TRPC5: variants seen among roughly 807,000 people sequenced by gnomAD.
TRPC5 encodes the protein transient receptor potential cation channel subfamily C member 5.
TRPC5 carries 9 observed loss-of-function variants against 56.5 expected under a neutral mutation model. The observed-to-expected ratio is 0.16, with a 90% CI of 0.10 to 0.28. The LOEUF (loss-of-function observed/expected upper bound fraction) is 0.28, where lower values mean the gene tolerates loss of function less well. Among genes scored for constraint, TRPC5 ranks in the 10% least tolerant of loss-of-function variants. The probability of loss-of-function intolerance (pLI) is 1.00; values close to 1 mark genes in which losing one functional copy is unlikely to be tolerated. For missense variants in TRPC5, 469 were observed against 748.9 expected (o/e 0.63, Z 4.36); for synonymous variants, 282 against 278.5 (o/e 1.01, Z -0.13).
chrX:111,985,418 G>C (rs1928187365), intron 1 of TRPC5, among the ~76,000 whole-genome samples: 2 of 112,065 alleles, frequency 1.8e-5, no homozygotes, highest in Non-Finnish European at 1.9e-5. Context: ...TTTCACTTCA[G>C]AGCCAGTGTC....
At chrX:112,021,801 A>G (rs1929278899) in intron 1 of TRPC5, among the ~76,000 whole-genome samples, 1 of 112,384 alleles carries the variant, frequency 8.9e-6, no homozygotes. Context: ...AGTCCCCCAT[A>G]AGAACACTGG....
At chrX:111,930,347 T>C (rs1405385759) in intron 2 of TRPC5, among the ~76,000 whole-genome samples, 1 of 111,012 alleles carries the variant, frequency 9.0e-6, no homozygotes, top group Admixed American at 9.6e-5. Context: ...GTAGAGATGG[T>C]TGATGGGTGC....
intron 1 of TRPC5, among the ~76,000 whole-genome samples, chrX:112,067,915 G>A (rs779380017): frequency 1.7e-4 from 19 of 112,316 alleles, no homozygotes; most frequent in African/African-American, 5.8e-4. Flanking sequence ...TTAGATCTGG[G>A]CATTGATTTA....
chrX:111,955,566 G>T (rs189398781), intron 1 of TRPC5, among the ~76,000 whole-genome samples: 67 of 111,844 alleles, frequency 6.0e-4, no homozygotes, highest in African/African-American at 2.1e-3. Context: ...TGCATTGTCT[G>T]TTGACATGCA....
At chrX:111,819,415 C>A (rs1228308585) in intron 7 of TRPC5, among the ~76,000 whole-genome samples, 1 of 111,436 alleles carries the variant, frequency 9.0e-6, no homozygotes, top group Non-Finnish European at 1.9e-5. Context: ...CTTTACTGGG[C>A]AACTCCAGAG....
chrX:111,863,854 G>A (rs1024330394), intron 3 of TRPC5, among the ~76,000 whole-genome samples: 1 of 111,770 alleles, frequency 8.9e-6, no homozygotes. Context: ...CTTCTTCTGT[G>A]TCAAATGAAA....
chrX:111,943,682 T>C (rs1353930515), intron 2 of TRPC5, among the ~76,000 whole-genome samples: 1 of 112,274 alleles, frequency 8.9e-6, no homozygotes, highest in Non-Finnish European at 1.9e-5. Flanking sequence ...GGGTTGTTGA[T>C]ATAGAGGCCA....
At chrX:111,837,163 C>T (rs1244769300) in intron 6 of TRPC5, among the ~76,000 whole-genome samples, 1 of 112,093 alleles carries the variant, frequency 8.9e-6, no homozygotes, top group Non-Finnish European at 1.9e-5. Flanking sequence ...GGGGCCAGGG[C>T]ACAAGAACCA....
chrX:111,825,767 C>T (rs896871675), intron 7 of TRPC5, among the ~76,000 whole-genome samples: 1 of 111,632 alleles, frequency 9.0e-6, no homozygotes, highest in African/African-American at 3.3e-5. Context: ...TGAGCCAAGA[C>T]GGGGAGTCGC....
In TRPC5 at chrX:111,776,993, G is replaced by C. The variant is rs1459630831; in HGVS notation, c.2242C>G (p.Gln748Glu). Residue 748 changes from glutamine to glutamate, a missense_variant, in exon 11 of 11, where the codon CAA becomes GAA. Physicochemically the swap from Gln to Glu is conservative, Grantham distance 29. Coordinates refer to ENST00000262839, the MANE Select transcript of TRPC5 (RefSeq NM_012471.3). ...LTEENFKELKQDISSFRYEVL... is the reference protein window; with the variant it reads ...LTEENFKELKEDISSFRYEVL... Reference sequence around the variant, plus strand: ...TCATACCGAAAGCTGGAGATGTCTTGCTTTAATTCCTGGGAAAAGAGAGGA... The same window carrying C: ...TCATACCGAAAGCTGGAGATGTCTTCCTTTAATTCCTGGGAAAAGAGAGGA... 7 of 1,129,888 alleles carry C rather than the reference G, an allele frequency of 6.2e-6. No individual in the cohort carries two copies. In the East Asian group the frequency reaches 2.1e-4, roughly 34 times the overall value. The allele number at this position is 1,129,888 out of a possible 1,213,427, so 93.1% of individuals were successfully genotyped here.
At chrX:111,832,620 T>G (rs1281976896) in intron 7 of TRPC5, among the ~76,000 whole-genome samples, 1 of 111,857 alleles carries the variant, frequency 8.9e-6, no homozygotes, top group Non-Finnish European at 1.9e-5. Flanking sequence ...TGGATCCATT[T>G]CCAAATGGTA....
Position 111,781,946 on chromosome X carries a change from T to C in TRPC5, c.2089A>G (p.Arg697Gly). The C allele has an allele frequency of 8.4e-7, 1 of 1,187,003 alleles. No individual in the cohort carries two copies. Among genetic ancestry groups the C allele is most frequent in the Non-Finnish European group, 1.1e-6 (1 of 885,226 alleles). ...ATTAAAAGTCTTACTGTGAAACTTC[T>C]CAAGTTGCGCCTTCTCCGTCTACCG... is the stretch of plus-strand genomic sequence containing the variant. ...PDGRRRRRNL[R>G]SFTERNADSL... Residue 697 changes from arginine to glycine, a missense_variant, in exon 8 of 11, where the codon AGA (arginine) becomes GGA (glycine). Around this residue, in one of 3 missense-constraint regions of TRPC5, gnomAD observed 194 missense variants for 221.8 expected, o/e 0.87. Coordinates refer to ENST00000262839, the MANE Select transcript of TRPC5 (RefSeq NM_012471.3).
chrX:112,009,534 C>T (rs1249260305), intron 1 of TRPC5, among the ~76,000 whole-genome samples: 1 of 111,712 alleles, frequency 9.0e-6, no homozygotes, highest in Non-Finnish European at 1.9e-5. Flanking sequence ...GTGTTAATGA[C>T]CAATGATAAC....
chrX:111,786,033 G>A (rs1372276791), intron 7 of TRPC5, among the ~76,000 whole-genome samples: 2 of 111,468 alleles, frequency 1.8e-5, no homozygotes, highest in Non-Finnish European at 3.8e-5. Flanking sequence ...TAGCAAGGCA[G>A]GCCAACATTC....
intron 3 of TRPC5, among the ~76,000 whole-genome samples, chrX:111,867,993 AT>A (rs2148592130): frequency 8.9e-6 from 1 of 112,644 alleles, no homozygotes; most frequent in East Asian, 2.8e-4. Context: ...AGTTTGTACT[AT>A]TATTACATCC....
chrX:111,872,572 G>T (rs894248401), intron 3 of TRPC5, among the ~76,000 whole-genome samples: 3 of 111,898 alleles, frequency 2.7e-5, no homozygotes, highest in Admixed American at 9.5e-5. Context: ...AGTCAGGATT[G>T]CAGGAGGTAT....
intron 2 of TRPC5, among the ~76,000 whole-genome samples, chrX:111,943,376 C>T (rs1926832381): frequency 8.9e-6 from 1 of 111,870 alleles, no homozygotes; most frequent in Non-Finnish European, 1.9e-5. Flanking sequence ...CAGGCCCTCG[C>T]TGTCCCCCTC....
rs763448223 is a variant in TRPC5 at position 111,774,509 on chromosome X, T to C, written c.*1804A>G. 1.8e-5 allele frequency: 2 copies of C among 111,724 alleles called. No homozygotes were observed. The highest frequency in any genetic ancestry group is 5.7e-4 in the East Asian group (2 of 3,524). The allele number at this position is 111,724 out of a possible 1,213,427, so 9.2% of individuals were successfully genotyped here. ...TTTGAGTAAATAACCACTTCAGATA[T>C]GATCAAGGAATTATTTTCGGACAAC... is the stretch of plus-strand genomic sequence containing the variant. On this transcript the variant is annotated 3_prime_UTR_variant, in exon 11 of 11. Transcript: ENST00000262839.
At chrX:111,860,522 G>C (rs1294322250) in intron 3 of TRPC5, among the ~76,000 whole-genome samples, 2 of 112,008 alleles carry the variant, frequency 1.8e-5, no homozygotes, top group South Asian at 7.4e-4. Context: ...ATTTGTTAAA[G>C]TTCCAAAGCT....
Sources: gnomAD v4.1 joint callset for allele counts (sites outside exome capture counted in the v4.1 genomes callset) on GRCh38, gnomAD v4.1.1 for gene constraint, gnomAD v4.1.1 regional missense constraint, MANE v1.5 for transcripts, NCBI Gene and HGNC (gene_info 2026-07-23, HGNC 2026-07-21) for gene names.